IPO11: variants seen among roughly 807,000 people sequenced by gnomAD.
IPO11 encodes the protein importin 11, also known as importin-11.
Under a neutral mutation model 143.2 loss-of-function variants are expected in IPO11, and 66 were observed. That is an observed-to-expected ratio of 0.46 (90% confidence interval 0.38 to 0.57). The LOEUF (loss-of-function observed/expected upper bound fraction) is 0.57. Among genes scored for constraint, IPO11 ranks in the 20% least tolerant of loss-of-function variants. The pLI is 0.00. For missense variants in IPO11, 1,026 were observed against 1,141.0 expected, an observed-to-expected ratio of 0.90 and a Z score of 1.45; for synonymous variants, 385 against 377.8, an observed-to-expected ratio of 1.02 and a Z score of -0.22.
intron 15 of IPO11, among the ~76,000 whole-genome samples, chr5:62,492,453 G>T (rs1433819574): frequency 6.6e-6 from 1 of 152,082 alleles, no homozygotes; most frequent in East Asian, 1.9e-4. Flanking sequence ...TAAAGTCCTA[G>T]TACACTACTT....
chr5:62,466,756 T>C (rs749662300), intron 5 of IPO11, among the ~76,000 whole-genome samples: 7 of 152,242 alleles, frequency 4.6e-5, no homozygotes, highest in Non-Finnish European at 1.0e-4. Context: ...TATTGATTTA[T>C]CTGACATACT....
intron 24 of IPO11, among the ~76,000 whole-genome samples, chr5:62,545,863 G>A (rs1335590847): frequency 1.3e-5 from 2 of 152,170 alleles, no homozygotes; most frequent in East Asian, 1.9e-4. Context: ...ATCATCACTG[G>A]CCATCAGAGA....
chr5:62,413,748 T>G (rs1743201227), intron 1 of IPO11, among the ~76,000 whole-genome samples: 1 of 152,236 alleles, frequency 6.6e-6, no homozygotes, highest in Non-Finnish European at 1.5e-5. Context: ...AAGAATAGTT[T>G]GTAGCCATAA....
chr5:62,472,332 G>A (rs1356783748), intron 7 of IPO11, among the ~76,000 whole-genome samples: 1 of 151,870 alleles, frequency 6.6e-6, no homozygotes, highest in Non-Finnish European at 1.5e-5. Context: ...ATTCCTATAA[G>A]GTGAAATAGT....
At chr5:62,466,989 G>T in intron 5 of IPO11, 142 bp from the exon 6 acceptor site, 1 of 768,536 alleles carries the variant, frequency 1.3e-6, no homozygotes, top group Non-Finnish European at 2.0e-6. Flanking sequence ...ATGAAACATT[G>T]CCACAAATAT....
At chr5:62,521,040 T>TG (rs1392180250) in intron 20 of IPO11, among the ~76,000 whole-genome samples, 8 of 152,204 alleles carry the variant, frequency 5.3e-5, no homozygotes, top group Non-Finnish European at 1.2e-4. Flanking sequence ...TTTAATGATC[T>TG]CCATTCTAAC....
At chr5:62,544,565 A>G (rs1412618163) in intron 24 of IPO11, among the ~76,000 whole-genome samples, 1 of 152,108 alleles carries the variant, frequency 6.6e-6, no homozygotes, top group Non-Finnish European at 1.5e-5. Flanking sequence ...CTGTCTCACC[A>G]CTCCTATTCA....
intron 20 of IPO11, among the ~76,000 whole-genome samples, chr5:62,524,481 GT>G (rs1273612123): frequency 6.6e-6 from 1 of 151,900 alleles, no homozygotes; most frequent in Non-Finnish European, 1.5e-5. Flanking sequence ...GAACTTGACT[GT>G]TTTTTTCTTA....
At chr5:62,435,074 A>ATATATATG (rs1420861544) in intron 1 of IPO11, among the ~76,000 whole-genome samples, 20 of 103,240 alleles carry the variant, frequency 1.9e-4, no homozygotes, top group East Asian at 2.4e-4. Context: ...ATATATATGT[A>ATATATATG]TATATATGTG....
intron 26 of IPO11, among the ~76,000 whole-genome samples, chr5:62,552,477 T>TG (rs1231364450): frequency 3.3e-5 from 5 of 151,074 alleles, no homozygotes; most frequent in South Asian, 2.1e-4. Context: ...TTTTTAGTTT[T>TG]TTTTTTTTTT....
At chr5:62,498,988 G>A (rs1335257248) in intron 16 of IPO11, among the ~76,000 whole-genome samples, 3 of 152,224 alleles carry the variant, frequency 2.0e-5, no homozygotes, top group Non-Finnish European at 4.4e-5. Flanking sequence ...GAAAGCCTAT[G>A]TAAGATATAA....
At chr5:62,590,868 A>G (rs977434965) in intron 27 of IPO11, among the ~76,000 whole-genome samples, 1 of 152,030 alleles carries the variant, frequency 6.6e-6, no homozygotes, top group African/African-American at 2.4e-5. Flanking sequence ...CCATCTGTGT[A>G]TCTTCTTTGG....
chr5:62,495,591 C>T (rs1741104497), intron 16 of IPO11, among the ~76,000 whole-genome samples: 1 of 152,164 alleles, frequency 6.6e-6, no homozygotes, highest in African/African-American at 2.4e-5. Context: ...CCTCCCACCT[C>T]AGCCTCCCAG....
chr5:62,620,517 T>TAAAAAA (rs71608518), intron 29 of IPO11, among the ~76,000 whole-genome samples: 1 of 105,804 alleles, frequency 9.5e-6, no homozygotes. Context: ...AGACTCTGTC[T>TAAAAAA]AAAAAAAAAA....
chr5:62,417,119 A>G (rs1743321300), intron 1 of IPO11, among the ~76,000 whole-genome samples: 1 of 129,012 alleles, frequency 7.8e-6, no homozygotes, highest in African/African-American at 2.7e-5. Context: ...TATTTTTCTT[A>G]GTTTTTTTTT....
chr5:62,625,424 G>T (rs185061571), intron 29 of IPO11, among the ~76,000 whole-genome samples: 1 of 152,190 alleles, frequency 6.6e-6, no homozygotes, highest in Non-Finnish European at 1.5e-5. Flanking sequence ...ATTAAAATCC[G>T]ATGTGTAGAC....
At chr5:62,605,338 A>C (rs543522989) in intron 29 of IPO11, among the ~76,000 whole-genome samples, 48 of 152,330 alleles carry the variant, frequency 3.2e-4, no homozygotes, top group Non-Finnish European at 5.4e-4. Flanking sequence ...TACGTTTCTG[A>C]GAATTCTCTA....
intron 29 of IPO11, among the ~76,000 whole-genome samples, chr5:62,618,752 G>A (rs61241554): frequency 0.097 from 14,679 of 152,006 alleles, 875 homozygotes; most frequent in East Asian, 0.25. Context: ...TATAACCACG[G>A]AACAAAAAAT....
intron 27 of IPO11, among the ~76,000 whole-genome samples, chr5:62,586,979 AT>A (rs201182611): frequency 2.8e-3 from 407 of 144,136 alleles, no homozygotes; most frequent in African/African-American, 7.6e-3. Flanking sequence ...ATTCAGCTGA[AT>A]TTTTTTTTTT....
Sources: gnomAD v4.1 joint callset for allele counts (sites outside exome capture counted in the v4.1 genomes callset) on GRCh38, gnomAD v4.1.1 for gene constraint, MANE v1.5 for transcripts, NCBI Gene and HGNC (gene_info 2026-07-23, HGNC 2026-07-21) for gene names.